Variants in DGAT2 observed in about 807,000 individuals in gnomAD.
The protein encoded by DGAT2 is diacylglycerol O-acyltransferase 2.
A neutral mutation model predicts 48.4 loss-of-function variants in DGAT2; 33 were observed. The ratio of observed to expected loss-of-function variants is 0.68; its 90% CI spans 0.52 to 0.91. The LOEUF is 0.91. DGAT2 is among the 40% of genes least tolerant of loss of function. The probability of loss-of-function intolerance (pLI) is 0.00; values close to 1 mark genes in which losing one functional copy is unlikely to be tolerated. For synonymous variants in DGAT2, 191 were observed against 194.1 expected (o/e 0.98, Z 0.13); for missense variants, 446 against 493.7 (o/e 0.90, Z 0.92).
chr11:75,791,435 C>T (rs1260554523), intron 4 of DGAT2, among the ~76,000 whole-genome samples: 1 of 152,160 alleles, frequency 6.6e-6, no homozygotes, highest in African/African-American at 2.4e-5. Flanking sequence ...TTTTCCTGAC[C>T]CCATCTCTCT....
In DGAT2 at chr11:75,800,518, CG is replaced by C; in HGVS notation, c.*14del. 6.2e-7 allele frequency: 1 copy of C among 1,613,214 alleles called. No individual in the cohort carries two copies. The highest frequency in any genetic ancestry group is 8.5e-7 in the Non-Finnish European group (1 of 1,179,580). ...CCTGGAGGTGAACTGAGCCAGCCTT[CG>C]GGGCCAATTCCCTGGAGGAACCAGC... On this transcript the variant is annotated 3_prime_UTR_variant, in exon 8 of 8. Coordinates refer to ENST00000228027, the MANE Select transcript of DGAT2 (RefSeq NM_032564.5).
chr11:75,783,439 A>G (rs1335029516), intron 1 of DGAT2, among the ~76,000 whole-genome samples: 2 of 152,340 alleles, frequency 1.3e-5, no homozygotes, highest in Non-Finnish European at 2.9e-5. Flanking sequence ...AAGAAAAGCA[A>G]AGGCTTGAGT....
chr11:75,769,168 C>T (rs1405153243), intron 1 of DGAT2, 56 bp downstream of exon 1: 1 of 1,506,234 alleles, frequency 6.6e-7, no homozygotes, highest in Non-Finnish European at 8.8e-7. Context: ...TGGAAAGGGC[C>T]CTGTGGCAGG....
chr11:75,774,251 G>T (rs922830280), intron 1 of DGAT2, among the ~76,000 whole-genome samples: 4 of 152,204 alleles, frequency 2.6e-5, no homozygotes, highest in African/African-American at 9.7e-5. Flanking sequence ...GTCAGGCCTG[G>T]GCTCTGTCCA....
At chr11:75,797,879 A>G (rs1945073370) in intron 6 of DGAT2, among the ~76,000 whole-genome samples, 1 of 152,146 alleles carries the variant, frequency 6.6e-6, no homozygotes. Context: ...AACAATGGTG[A>G]GTCCAGGGCT....
At chr11:75,769,683 C>T (rs527896957) in intron 1 of DGAT2, among the ~76,000 whole-genome samples, 1 of 152,060 alleles carries the variant, frequency 6.6e-6, no homozygotes, top group African/African-American at 2.4e-5. Context: ...TCAACCCCCG[C>T]CCCGCACCCC....
chr11:75,787,902 G>C (rs2135771618), intron 2 of DGAT2, among the ~76,000 whole-genome samples: 1 of 152,286 alleles, frequency 6.6e-6, no homozygotes, highest in East Asian at 1.9e-4. Flanking sequence ...GGAGCCCCCA[G>C]CTGAGAAAGG....
rs1377231329 is a variant in DGAT2, at chr11:75,774,765, A to G, written c.121+5653A>G. ...AGAACCTGTCTCCCCATGCTTGCCCATATATTGTGATGGGGACGTATTTTG... is the reference window on the plus strand; with the variant it reads ...AGAACCTGTCTCCCCATGCTTGCCCGTATATTGTGATGGGGACGTATTTTG... On this transcript the variant is annotated intron_variant, in intron 1 of 7. Coordinates refer to ENST00000228027, the MANE Select transcript of DGAT2 (RefSeq NM_032564.5). Among the ~76,000 whole-genome samples, 5 of 152,140 alleles carry G rather than the reference A, an allele frequency of 3.3e-5. No individual in the cohort carries two copies. In the East Asian group the frequency reaches 9.6e-4, roughly 29 times the overall value.
chr11:75,796,736 C>T, intron 5 of DGAT2: 1 of 599,266 alleles, frequency 1.7e-6, no homozygotes, highest in South Asian at 2.1e-5. Flanking sequence ...CGGATAACAT[C>T]TTCCCTAGGA....
intron 4 of DGAT2, chr11:75,794,017 G>A (rs916993624): frequency 6.6e-6 from 1 of 152,238 alleles, no homozygotes; most frequent in Admixed American, 6.5e-5. Context: ...TATTTGGGGA[G>A]TAGCTGAGAG....
intron 4 of DGAT2, 165 bp from the exon 5 acceptor site, chr11:75,796,163 T>C: frequency 1.5e-6 from 1 of 667,760 alleles, no homozygotes; most frequent in Non-Finnish European, 2.7e-6. Flanking sequence ...ACCAGCACTG[T>C]GGCCCTGGGG....
chr11:75,777,937 C>T (rs1944818229), intron 1 of DGAT2, among the ~76,000 whole-genome samples: 1 of 152,178 alleles, frequency 6.6e-6, no homozygotes, highest in Non-Finnish European at 1.5e-5. Context: ...TTATCTCTCC[C>T]TCAGCAGAAG....
intron 1 of DGAT2, among the ~76,000 whole-genome samples, chr11:75,770,002 A>G (rs925855773): frequency 2.0e-5 from 3 of 152,230 alleles, no homozygotes; most frequent in African/African-American, 7.2e-5. Flanking sequence ...TACAAAAATA[A>G]AGCTTGCTAA....
At chr11:75,790,394 AC>A in intron 3 of DGAT2, 99 bp downstream of exon 3, 1 of 1,084,566 alleles carries the variant, frequency 9.2e-7, no homozygotes, top group Non-Finnish European at 1.4e-6. Flanking sequence ...TTCTTTTAAC[AC>A]CCACTTTGTG....
intron 1 of DGAT2, among the ~76,000 whole-genome samples, chr11:75,769,668 T>C (rs1252843816): frequency 6.6e-6 from 1 of 152,020 alleles, no homozygotes; most frequent in African/African-American, 2.4e-5. Context: ...CGCGCAGAGT[T>C]GAAATCAACC....
Position 75,796,460 on chromosome 11 carries a change from ATACGGCCTTACCTGGC to A in DGAT2, c.566_581del (p.Arg189HisfsTer11). On this transcript the variant is annotated frameshift_variant, in exon 5 of 8. Transcript: ENST00000228027. LOFTEE classifies it high-confidence loss of function. ...AGAAGTGAGCAAGAAGTTCCCAGGC[ATACGGCCTTACCTGGC>A]TACACTGGCAGGCAACTTCCGAATG... 1 of 1,613,926 alleles carries A rather than the reference ATACGGCCTTACCTGGC, an allele frequency of 6.2e-7. No homozygotes were observed. The highest frequency in any genetic ancestry group is 1.3e-5 in the African/African-American group (1 of 74,930).
At chr11:75,782,672 C>T (rs1590868264) in intron 1 of DGAT2, among the ~76,000 whole-genome samples, 1 of 152,346 alleles carries the variant, frequency 6.6e-6, no homozygotes, top group East Asian at 1.9e-4. Context: ...ATGAGACCCT[C>T]AAGGATAAGC....
Position 75,784,637 on chromosome 11 carries a change from C to G in DGAT2, c.141C>G (p.Leu47=), listed in dbSNP as rs768037688. The G allele has an allele frequency of 3.7e-6, 6 of 1,614,010 alleles. No individual in the cohort carries two copies. In the Admixed American group the frequency reaches 1.0e-4, roughly 27 times the overall value. Residue 47 remains leucine (L), a synonymous_variant, in exon 2 of 8, where the codon CTC becomes CTG. Transcript: ENST00000228027. ...SGRWGTGSSI[L]SALQDLFSVT... Reference sequence around the variant, plus strand: ...CTGTAGGCACTGGATCCAGCATCCTCTCCGCCCTCCAGGACCTCTTCTCTG... The same window carrying G: ...CTGTAGGCACTGGATCCAGCATCCTGTCCGCCCTCCAGGACCTCTTCTCTG...
intron 1 of DGAT2, among the ~76,000 whole-genome samples, chr11:75,778,606 G>A (rs1005024387): frequency 3.3e-5 from 5 of 152,042 alleles, no homozygotes; most frequent in Non-Finnish European, 7.4e-5. Flanking sequence ...AGGCCTAGGC[G>A]GGCGGATCAC....
Sources: allele counts gnomAD v4.1 joint callset (sites outside exome capture counted in the v4.1 genomes callset), GRCh38; gene constraint gnomAD v4.1.1; transcripts MANE v1.5; gene names NCBI Gene and HGNC (gene_info 2026-07-23, HGNC 2026-07-21).